DLGAP2: variants seen among roughly 807,000 people sequenced by gnomAD.
DLGAP2 encodes the protein disks large-associated protein 2.
In DLGAP2, 26 loss-of-function variants were observed where a neutral mutation model predicts 100.3. The observed-to-expected ratio is 0.26, with a 90% CI of 0.19 to 0.36. The LOEUF is 0.36. Ranked by LOEUF, DLGAP2 falls within the 10% of genes least tolerant of loss-of-function variation. The pLI is 1.00. For missense variants in DLGAP2, 1,858 were observed against 1,453.2 expected (o/e 1.28, Z -4.53); for synonymous variants, 886 against 630.1 (o/e 1.41, Z -6.08).
chr8:1,028,429 T>G (rs1801879557), intron 2 of DLGAP2, among the ~76,000 whole-genome samples: 1 of 149,720 alleles, frequency 6.7e-6, no homozygotes, highest in East Asian at 2.1e-4. Context: ...CCAGGTGGGG[T>G]GTCAGGCGCC....
intron 1 of DLGAP2, among the ~76,000 whole-genome samples, chr8:842,928 C>T (rs774387850): frequency 2.0e-5 from 3 of 152,088 alleles, no homozygotes; most frequent in African/African-American, 7.2e-5. Flanking sequence ...ATGTAATCTT[C>T]TTAGTGTCTT....
chr8:1,157,248 A>G (rs1275023408), intron 2 of DLGAP2, among the ~76,000 whole-genome samples: 1 of 152,062 alleles, frequency 6.6e-6, no homozygotes, highest in African/African-American at 2.4e-5. Flanking sequence ...GATTCCCCAG[A>G]CACGCTGGAG....
chr8:1,382,065 A>T (rs2129769713), intron 3 of DLGAP2, among the ~76,000 whole-genome samples: 1 of 152,254 alleles, frequency 6.6e-6, no homozygotes. Flanking sequence ...GCAGTCAGAA[A>T]TCCGCATATA....
intron 2 of DLGAP2, among the ~76,000 whole-genome samples, chr8:968,957 C>T (rs1799947607): frequency 6.6e-6 from 1 of 152,108 alleles, no homozygotes; most frequent in African/African-American, 2.4e-5. Context: ...TCACAGTTCC[C>T]GCGAACCAAT....
chr8:1,585,130 T>TTC, intron 6 of DLGAP2, among the ~76,000 whole-genome samples: 1 of 152,258 alleles, frequency 6.6e-6, no homozygotes, highest in Admixed American at 6.5e-5. Context: ...AAGACCTTAG[T>TTC]TAAGAGGGAG....
At chr8:1,306,099 G>GAC (rs1216731279) in intron 3 of DLGAP2, among the ~76,000 whole-genome samples, 8,541 of 125,924 alleles carry the variant, frequency 0.068, 346 homozygotes, top group Middle Eastern at 0.17. Flanking sequence ...AAAAGAGAGA[G>GAC]GGAGAAAAAA....
chr8:908,319 A>G (rs1379353127), intron 2 of DLGAP2, among the ~76,000 whole-genome samples: 1 of 152,196 alleles, frequency 6.6e-6, no homozygotes, highest in African/African-American at 2.4e-5. Context: ...GAAAATCACC[A>G]TTCTTATTGG....
chr8:1,218,919 C>A (rs1050634895), intron 2 of DLGAP2, among the ~76,000 whole-genome samples: 5 of 151,994 alleles, frequency 3.3e-5, no homozygotes, highest in Non-Finnish European at 5.9e-5. Flanking sequence ...GGATTGGGTT[C>A]TCAGCTTGGA....
intron 1 of DLGAP2, among the ~76,000 whole-genome samples, chr8:782,349 A>C (rs7462056): frequency 1.3e-5 from 2 of 152,062 alleles, no homozygotes; most frequent in Non-Finnish European, 2.9e-5. Context: ...TAAAAAAATC[A>C]TGTAAAACTT....
intron 3 of DLGAP2, among the ~76,000 whole-genome samples, chr8:1,383,045 A>G (rs1796132895): frequency 6.6e-6 from 1 of 152,212 alleles, no homozygotes; most frequent in African/African-American, 2.4e-5. Context: ...CGCAAATCGA[A>G]GGATCTTTGG....
At chr8:762,769 C>T (rs1431890292) in intron 1 of DLGAP2, among the ~76,000 whole-genome samples, 1 of 152,070 alleles carries the variant, frequency 6.6e-6, no homozygotes, top group Non-Finnish European at 1.5e-5. Context: ...GCCTCACCCT[C>T]CTGGGCTGCA....
chr8:766,815 G>A (rs1355597196), intron 1 of DLGAP2, among the ~76,000 whole-genome samples: 2 of 152,186 alleles, frequency 1.3e-5, no homozygotes, highest in African/African-American at 4.8e-5. Context: ...TCCATCCTGA[G>A]GCTCGGCCAA....
intron 3 of DLGAP2, among the ~76,000 whole-genome samples, chr8:1,374,746 C>A (rs1183006865): frequency 6.6e-6 from 1 of 152,028 alleles, no homozygotes; most frequent in East Asian, 1.9e-4. Context: ...AAAGTGGAGA[C>A]TGGACGGTGG....
chr8:963,911 C>T (rs1255330693), intron 2 of DLGAP2, among the ~76,000 whole-genome samples: 1 of 152,176 alleles, frequency 6.6e-6, no homozygotes, highest in Non-Finnish European at 1.5e-5. Flanking sequence ...TGGCTTGCAG[C>T]ATTGCCTGAA....
chr8:1,233,316 T>C (rs945329540), intron 2 of DLGAP2, among the ~76,000 whole-genome samples: 8 of 152,218 alleles, frequency 5.3e-5, no homozygotes, highest in African/African-American at 1.9e-4. Context: ...CCACGTGATA[T>C]ATTTACAGAG....
At chr8:751,482 CG>C (rs1820787343) in intron 1 of DLGAP2, among the ~76,000 whole-genome samples, 1 of 152,216 alleles carries the variant, frequency 6.6e-6, no homozygotes, top group South Asian at 2.1e-4. Flanking sequence ...TTTTTTTCCC[CG>C]GGGACATTAC....
chr8:1,171,985 T>A (rs1302404087), intron 2 of DLGAP2, among the ~76,000 whole-genome samples: 1 of 152,218 alleles, frequency 6.6e-6, no homozygotes, highest in Non-Finnish European at 1.5e-5. Context: ...GTCTGGATGG[T>A]CTTTACATTT....
intron 1 of DLGAP2, among the ~76,000 whole-genome samples, chr8:889,529 G>A (rs1797991557): frequency 6.6e-6 from 1 of 152,200 alleles, no homozygotes; most frequent in Non-Finnish European, 1.5e-5. Flanking sequence ...ACCCACTGAG[G>A]AAGGATGGGT....
chr8:1,228,590 C>T (rs866797459), intron 2 of DLGAP2, among the ~76,000 whole-genome samples: 2 of 152,162 alleles, frequency 1.3e-5, no homozygotes, highest in Non-Finnish European at 2.9e-5. Flanking sequence ...CAACATAGAA[C>T]ATACCCAACT....
Sources: allele counts gnomAD v4.1 joint callset (sites outside exome capture counted in the v4.1 genomes callset), GRCh38; gene constraint gnomAD v4.1.1; transcripts MANE v1.5; gene names NCBI Gene and HGNC (gene_info 2026-07-23, HGNC 2026-07-21).